The following CNTN1 variants were observed in gnomAD, a reference collection of about 807,000 sequenced individuals.
The protein encoded by CNTN1 is contactin-1.
In CNTN1, 38 loss-of-function variants were observed where a neutral mutation model predicts 126.4. The observed-to-expected ratio is 0.30, with a 90% CI of 0.23 to 0.39. The LOEUF (loss-of-function observed/expected upper bound fraction) is 0.39. CNTN1 is among the 10% of genes least tolerant of loss of function. CNTN1 has a pLI of 1.00. For synonymous variants in CNTN1, 413 were observed against 422.6 expected, an observed-to-expected ratio of 0.98 and a Z score of 0.28; for missense variants, 1,009 against 1,248.4, an observed-to-expected ratio of 0.81 and a Z score of 2.89.
chr12:40,756,687 C>G (rs1374375724), intron 1 of CNTN1, among the ~76,000 whole-genome samples: 1 of 152,052 alleles, frequency 6.6e-6, no homozygotes, highest in African/African-American at 2.4e-5. Flanking sequence ...TAGTTTGCTC[C>G]TCTTTATTAA....
intron 1 of CNTN1, among the ~76,000 whole-genome samples, chr12:40,879,607 A>C (rs1943804441): frequency 6.6e-6 from 1 of 152,144 alleles, no homozygotes; most frequent in Non-Finnish European, 1.5e-5. Flanking sequence ...GTATTATATC[A>C]CCTAAAAATA....
At chr12:41,017,975 C>T (rs1948818436) in intron 19 of CNTN1, among the ~76,000 whole-genome samples, 1 of 151,826 alleles carries the variant, frequency 6.6e-6, no homozygotes, top group Non-Finnish European at 1.5e-5. Flanking sequence ...CCTGTAATGC[C>T]AGCTACTTGG....
At chr12:40,945,168 A>G (rs939839961) in intron 14 of CNTN1, among the ~76,000 whole-genome samples, 3 of 152,126 alleles carry the variant, frequency 2.0e-5, no homozygotes, top group African/African-American at 4.8e-5. Context: ...AACCAAAATT[A>G]TACTTTAAAG....
chr12:40,957,387 A>G (rs1946926120), intron 14 of CNTN1, among the ~76,000 whole-genome samples: 1 of 151,528 alleles, frequency 6.6e-6, no homozygotes, highest in South Asian at 2.1e-4. Flanking sequence ...TACGGCCAAC[A>G]GGACTTTTAA....
intron 17 of CNTN1, among the ~76,000 whole-genome samples, chr12:41,003,790 G>A (rs1183557100): frequency 6.6e-6 from 1 of 151,964 alleles, no homozygotes; most frequent in Non-Finnish European, 1.5e-5. Context: ...TGGGGTAAGT[G>A]GTAATATCCC....
chr12:40,784,853 G>C (rs114736142), intron 1 of CNTN1, among the ~76,000 whole-genome samples: 2,103 of 152,236 alleles, frequency 0.014, 45 homozygotes, highest in African/African-American at 0.049. Flanking sequence ...ATATAAGGTA[G>C]CTTTCACTCA....
chr12:40,884,905 T>C (rs556223407), intron 1 of CNTN1, among the ~76,000 whole-genome samples: 17 of 151,974 alleles, frequency 1.1e-4, no homozygotes, highest in Middle Eastern at 3.4e-3. Flanking sequence ...TATTTTCTTA[T>C]ATTCAGGGAG....
intron 14 of CNTN1, among the ~76,000 whole-genome samples, chr12:40,949,242 T>G (rs147890333): frequency 1.3e-3 from 190 of 151,718 alleles, no homozygotes; most frequent in African/African-American, 3.9e-3. Flanking sequence ...TATTTTTATT[T>G]ACATTTTATG....
At chr12:40,753,790 A>G (rs1938494342) in intron 1 of CNTN1, among the ~76,000 whole-genome samples, 1 of 152,104 alleles carries the variant, frequency 6.6e-6, no homozygotes, top group African/African-American at 2.4e-5. Context: ...AATTGAGACT[A>G]TATATTTCAC....
At chr12:40,738,525 A>C (rs1268773194) in intron 1 of CNTN1, among the ~76,000 whole-genome samples, 1 of 152,088 alleles carries the variant, frequency 6.6e-6, no homozygotes, top group African/African-American at 2.4e-5. Flanking sequence ...GACAAAGGAC[A>C]TCATTAAATA....
intron 1 of CNTN1, among the ~76,000 whole-genome samples, chr12:40,751,117 A>G (rs1052938248): frequency 5.9e-4 from 90 of 152,128 alleles, no homozygotes; most frequent in African/African-American, 2.2e-3. Flanking sequence ...AATGGAATCT[A>G]ATAGGATGAA....
At chr12:40,884,772 A>G (rs985046668) in intron 1 of CNTN1, among the ~76,000 whole-genome samples, 1 of 151,652 alleles carries the variant, frequency 6.6e-6, no homozygotes, top group African/African-American at 2.4e-5. Context: ...TCTTTCATAT[A>G]TTAACTGCTG....
At position 40,721,719 on chromosome 12, in the gene CNTN1, A is replaced by T. The variant is rs569662900; in HGVS notation, c.-77+29127A>T. 4.6e-5 allele frequency among the ~76,000 whole-genome samples: 5 copies of T among 109,126 alleles called. No homozygotes were observed. In the South Asian group the frequency reaches 1.4e-3, roughly 30 times the overall value. The allele number at this position is 109,126 out of a possible 152,430, so 71.6% of individuals were successfully genotyped here. Reference sequence around the variant, plus strand: ...CTCCCCCCTCCCCCCACCCCACAACAGTCCCCAGAGTGTGATGTTCCCCTT... The same window carrying T: ...CTCCCCCCTCCCCCCACCCCACAACTGTCCCCAGAGTGTGATGTTCCCCTT... On this transcript the variant is annotated intron_variant, in intron 1 of 23. Coordinates refer to ENST00000551295, the MANE Select transcript of CNTN1 (RefSeq NM_001843.4).
chr12:40,951,253 T>G (rs1946668070), intron 14 of CNTN1, among the ~76,000 whole-genome samples: 1 of 152,140 alleles, frequency 6.6e-6, no homozygotes, highest in Non-Finnish European at 1.5e-5. Context: ...ATTCTCGTTG[T>G]TTATTACATA....
intron 15 of CNTN1, among the ~76,000 whole-genome samples, chr12:40,975,178 TTATATATATATA>T (rs58939653): frequency 0.037 from 1,785 of 48,510 alleles, 51 homozygotes; most frequent in African/African-American, 0.12. Flanking sequence ...GTAAAATGGA[TTATATATATATA>T]TATATATATA....
At chr12:40,710,688 A>G (rs1026436138) in intron 1 of CNTN1, among the ~76,000 whole-genome samples, 1 of 152,188 alleles carries the variant, frequency 6.6e-6, no homozygotes, top group Non-Finnish European at 1.5e-5. Flanking sequence ...GAATATAGTG[A>G]CTGGTATTCA....
intron 1 of CNTN1, among the ~76,000 whole-genome samples, chr12:40,749,548 G>A (rs1436390267): frequency 7.0e-6 from 1 of 143,818 alleles, no homozygotes; most frequent in African/African-American, 2.5e-5. Context: ...ACTAGGGTGA[G>A]GTCATAAAGA....
rs1947747039 is a variant in CNTN1 at position 40,978,725 on chromosome 12, T to TATGAA, written c.1805-2181_1805-2177dup. The TATGAA allele has an allele frequency of 3.3e-5, 5 of 152,314 alleles. No homozygotes were observed. The South Asian group carries it at 1.0e-3, about 32-fold the overall frequency. The allele number at this position is 152,314 out of a possible 1,614,324, so 9.4% of individuals were successfully genotyped here. On this transcript the variant is annotated intron_variant, in intron 15 of 23. Transcript: ENST00000551295. ...TAATATGCAGCTTTATTCTGACCTT[T>TATGAA]ATGAAATATTACTCATTTGACACCT...
chr12:41,024,338 T>A (rs1948990941), intron 20 of CNTN1, among the ~76,000 whole-genome samples: 2 of 152,112 alleles, frequency 1.3e-5, no homozygotes, highest in Non-Finnish European at 2.9e-5. Context: ...CTTTTTATTC[T>A]TATATTACAT....
Sources: allele counts gnomAD v4.1 joint callset (sites outside exome capture counted in the v4.1 genomes callset), GRCh38; gene constraint gnomAD v4.1.1; transcripts MANE v1.5; gene names NCBI Gene and HGNC (gene_info 2026-07-23, HGNC 2026-07-21).